The following PLCB1 variants were observed in gnomAD, a reference collection of about 807,000 sequenced individuals.
PLCB1 encodes the protein 1-phosphatidylinositol 4,5-bisphosphate phosphodiesterase beta-1.
In PLCB1, 46 loss-of-function variants were observed where a neutral mutation model predicts 161.8. That is an observed-to-expected ratio of 0.28 (90% confidence interval 0.22 to 0.36). The LOEUF (loss-of-function observed/expected upper bound fraction) is 0.36, where lower values mean the gene tolerates loss of function less well. Ranked by LOEUF, PLCB1 falls within the 10% of genes least tolerant of loss-of-function variation. PLCB1 has a pLI of 1.00. For synonymous variants in PLCB1, 517 were observed against 503.7 expected, an observed-to-expected ratio of 1.03 and a Z score of -0.35; for missense variants, 1,016 against 1,472.5, an observed-to-expected ratio of 0.69 and a Z score of 5.07.
intron 7 of PLCB1, chr20:8,649,755 C>G: frequency 2.6e-6 from 1 of 380,556 alleles, no homozygotes; most frequent in Non-Finnish European, 4.9e-6. Context: ...CCCTCTCCAC[C>G]TTGGACTTCC....
chr20:8,759,777 AG>A (rs1160211082), intron 24 of PLCB1, among the ~76,000 whole-genome samples: 1 of 152,060 alleles, frequency 6.6e-6, no homozygotes, highest in Admixed American at 6.6e-5. Context: ...GACTTTTAAA[AG>A]GTCACTTGTC....
In PLCB1 at chr20:8,587,365, T is replaced by C. The variant is rs189723604; in HGVS notation, c.247-40929T>C. Among the ~76,000 whole-genome samples, 616 of 152,186 alleles carry C rather than the reference T, an allele frequency of 4.0e-3. 4 individuals are homozygous for C. Among genetic ancestry groups the C allele is most frequent in the African/African-American group, 0.014 (587 of 41,546 alleles). ...CTTAATGCAGCCTGCCTAGGGACCC[T>C]GTTAGGAGGGTGTGTGGCCATTTGA... On this transcript the variant is annotated intron_variant, in intron 3 of 31. Coordinates refer to ENST00000338037, the MANE Select transcript of PLCB1 (RefSeq NM_015192.4).
intron 2 of PLCB1, among the ~76,000 whole-genome samples, chr20:8,338,281 A>T (rs1392649535): frequency 6.6e-6 from 1 of 152,202 alleles, no homozygotes; most frequent in Non-Finnish European, 1.5e-5. Context: ...TTCATAAGGA[A>T]AGCTTAGAAA....
chr20:8,342,410 T>C (rs1985840578), intron 2 of PLCB1, among the ~76,000 whole-genome samples: 1 of 152,242 alleles, frequency 6.6e-6, no homozygotes, highest in Non-Finnish European at 1.5e-5. Context: ...TATATTTTCT[T>C]TCCTTTGACT....
At chr20:8,843,678 GTTTTA>G (rs1986589586) in intron 31 of PLCB1, among the ~76,000 whole-genome samples, 1 of 152,042 alleles carries the variant, frequency 6.6e-6, no homozygotes, top group South Asian at 2.1e-4. Context: ...TGAAAATAAT[GTTTTA>G]TTTTGTTTGT....
At chr20:8,505,227 C>CT (rs1983589683) in intron 3 of PLCB1, among the ~76,000 whole-genome samples, 1 of 152,142 alleles carries the variant, frequency 6.6e-6, no homozygotes, top group Non-Finnish European at 1.5e-5. Context: ...AATGGCAATT[C>CT]TTTTTACCCC....
At chr20:8,181,286 C>G (rs1389298096) in intron 2 of PLCB1, among the ~76,000 whole-genome samples, 1 of 147,364 alleles carries the variant, frequency 6.8e-6, no homozygotes, top group Admixed American at 6.8e-5. Flanking sequence ...GAAAAAAAGA[C>G]TAGAAAAATG....
intron 3 of PLCB1, among the ~76,000 whole-genome samples, chr20:8,528,626 A>C (rs1454880972): frequency 2.0e-5 from 3 of 152,022 alleles, no homozygotes; most frequent in African/African-American, 4.8e-5. Flanking sequence ...CTGCCCAGTA[A>C]AAATGTAAAA....
chr20:8,197,774 A>AGG (rs1159350003), intron 2 of PLCB1, among the ~76,000 whole-genome samples: 1 of 152,132 alleles, frequency 6.6e-6, no homozygotes, highest in Non-Finnish European at 1.5e-5. Context: ...GTTTTCTTCT[A>AGG]GGGTTTTTAT....
chr20:8,654,588 G>A (rs1989401947), intron 7 of PLCB1, among the ~76,000 whole-genome samples: 1 of 151,860 alleles, frequency 6.6e-6, no homozygotes, highest in Non-Finnish European at 1.5e-5. Context: ...TGAAATGGAT[G>A]CAATGATGAA....
At chr20:8,686,332 A>G (rs73897913) in intron 10 of PLCB1, among the ~76,000 whole-genome samples, 9,260 of 152,230 alleles carry the variant, frequency 0.061, 540 homozygotes, top group African/African-American at 0.15. Flanking sequence ...CATTTATCCT[A>G]TATTTAGGAC....
chr20:8,153,593 G>A (rs1460276149), intron 2 of PLCB1, among the ~76,000 whole-genome samples: 3 of 151,902 alleles, frequency 2.0e-5, no homozygotes, highest in Admixed American at 2.0e-4. Flanking sequence ...AAAGGCTAAA[G>A]AAGAAAAAAG....
chr20:8,311,488 G>T (rs1322573137), intron 2 of PLCB1, among the ~76,000 whole-genome samples: 1 of 152,188 alleles, frequency 6.6e-6, no homozygotes, highest in African/African-American at 2.4e-5. Context: ...TGGATCATTT[G>T]TACTTCACTT....
intron 2 of PLCB1, among the ~76,000 whole-genome samples, chr20:8,343,798 T>A (rs1477329517): frequency 6.6e-6 from 1 of 152,206 alleles, no homozygotes; most frequent in African/African-American, 2.4e-5. Flanking sequence ...CAGGAACTTG[T>A]GCAGACCACA....
At chr20:8,375,566 G>C (rs1387471749) in intron 3 of PLCB1, among the ~76,000 whole-genome samples, 1 of 152,112 alleles carries the variant, frequency 6.6e-6, no homozygotes, top group Non-Finnish European at 1.5e-5. Flanking sequence ...TTTACTGTGG[G>C]CAATACATAT....
intron 3 of PLCB1, among the ~76,000 whole-genome samples, chr20:8,442,310 T>C (rs1980594917): frequency 6.6e-6 from 1 of 152,216 alleles, no homozygotes. Context: ...CAGGTTTCGT[T>C]GTCTGTGAGG....
chr20:8,812,875 A>T (rs1984899093), intron 31 of PLCB1, among the ~76,000 whole-genome samples: 1 of 152,256 alleles, frequency 6.6e-6, no homozygotes, highest in African/African-American at 2.4e-5. Context: ...TAGAAGGACT[A>T]GGGCAGCTTC....
intron 3 of PLCB1, among the ~76,000 whole-genome samples, chr20:8,576,896 C>T (rs1021515387): frequency 2.6e-5 from 4 of 151,958 alleles, no homozygotes; most frequent in South Asian, 2.1e-4. Flanking sequence ...TTCAAGTCTA[C>T]GTGTGATGGT....
intron 3 of PLCB1, among the ~76,000 whole-genome samples, chr20:8,398,602 A>G (rs1170180826): frequency 6.6e-6 from 1 of 152,146 alleles, no homozygotes; most frequent in East Asian, 1.9e-4. Flanking sequence ...TCTTTTTCCA[A>G]AGACACTAAT....
Sources: gnomAD v4.1 joint callset for allele counts (sites outside exome capture counted in the v4.1 genomes callset) on GRCh38, gnomAD v4.1.1 for gene constraint, MANE v1.5 for transcripts, NCBI Gene and HGNC (gene_info 2026-07-23, HGNC 2026-07-21) for gene names.